Variants in PTPRQ observed in about 807,000 individuals in gnomAD.
The protein encoded by PTPRQ is phosphatidylinositol phosphatase PTPRQ.
Under a neutral mutation model 246.0 loss-of-function variants are expected in PTPRQ, and 199 were observed. That is an observed-to-expected ratio of 0.81 (90% confidence interval 0.72 to 0.91). The LOEUF (loss-of-function observed/expected upper bound fraction) is 0.91. PTPRQ is among the 40% of genes least tolerant of loss of function. The pLI is 0.00. For synonymous variants in PTPRQ, 869 were observed against 853.2 expected (o/e 1.02, Z -0.32); for missense variants, 2,624 against 2,528.4 (o/e 1.04, Z -0.81).
In PTPRQ at chr12:80,649,641, A is replaced by G. The variant is rs562414219; in HGVS notation, c.5996A>G (p.Asn1999Ser). The change falls in exon 37 of 45, where the codon AAC becomes AGC. Residue 1999 changes from asparagine (N) to serine (S), a missense_variant. By Grantham distance (46) the Asn-to-Ser change is conservative (BLOSUM62 1). Coordinates refer to ENST00000644991, the MANE Select transcript of PTPRQ (RefSeq NM_001145026.2). ...CATGTTGAAGAGCTTTGCACAAACA[A>G]CAACCTAAAGTTTCAAGAAGAATTT... ...LQHVEELCTN[N>S]NLKFQEEFSE... 3.2e-6 allele frequency: 5 copies of G among 1,549,556 alleles called. No individual in the cohort carries two copies. In the South Asian group the frequency reaches 6.0e-5, roughly 19 times the overall value.
At position 80,539,827 on chromosome 12, in the gene PTPRQ, A is replaced by G; in HGVS notation, c.3037A>G (p.Thr1013Ala). 1 of 1,548,330 alleles carries G rather than the reference A, an allele frequency of 6.5e-7. No homozygotes were observed. Among genetic ancestry groups the G allele is most frequent in the Non-Finnish European group, 8.7e-7 (1 of 1,145,708 alleles). Reference sequence around the variant, plus strand: ...TGACTTTGACAATATGACTGTATCCACAATTATAGATAAACTGACAATATT... The same window carrying G: ...TGACTTTGACAATATGACTGTATCCGCAATTATAGATAAACTGACAATATT... Reference protein sequence around the residue: ...TNDFDNMTVSTIIDKLTIFSY... With the variant: ...TNDFDNMTVSAIIDKLTIFSY... Residue 1013 changes from threonine (T) to alanine (A), a missense_variant, in exon 20 of 45, where the codon ACA (threonine) becomes GCA (alanine). By Grantham distance (58) the Thr-to-Ala change is moderately conservative. Coordinates refer to ENST00000644991, the MANE Select transcript of PTPRQ (RefSeq NM_001145026.2).
chr12:80,448,363 C>A (rs1215434322), intron 3 of PTPRQ, among the ~76,000 whole-genome samples: 1 of 151,866 alleles, frequency 6.6e-6, no homozygotes, highest in African/African-American at 2.4e-5. Flanking sequence ...TCCTGTTTTC[C>A]AATTTGGATG....
At position 80,539,809 on chromosome 12, in the gene PTPRQ, G is replaced by GAC; in HGVS notation, c.3021_3022dup (p.Asn1008ThrfsTer3). The GAC allele has an allele frequency of 6.5e-7, 1 of 1,546,796 alleles. No individual in the cohort carries two copies. The highest frequency in any genetic ancestry group is 8.7e-7 in the Non-Finnish European group (1 of 1,145,294). On this transcript the variant is annotated frameshift_variant, in exon 20 of 45. Coordinates refer to ENST00000644991, the MANE Select transcript of PTPRQ (RefSeq NM_001145026.2). LOFTEE classifies it high-confidence loss of function. Reference sequence around the variant, plus strand: ...ACTCCATGAAGTAACCAATGACTTTGACAATATGACTGTATCCACAATTAT... The same window carrying GAC: ...ACTCCATGAAGTAACCAATGACTTTGACACAATATGACTGTATCCACAATTAT...
At chr12:80,544,007 A>G (rs1422965760) in intron 23 of PTPRQ, among the ~76,000 whole-genome samples, 1 of 152,112 alleles carries the variant, frequency 6.6e-6, no homozygotes, top group Non-Finnish European at 1.5e-5. Flanking sequence ...CATTCCTAGG[A>G]TAATTGTGTA....
rs1555185233 is a variant in PTPRQ at position 80,473,045 on chromosome 12, A to ACACG, written c.1186+795_1186+796insACGC. On this transcript the variant is annotated intron_variant, in intron 8 of 44. Transcript: ENST00000644991. ...TATACACACACACACACTCACACAC[A>ACACG]CGCACACACACACACACACACACAC... Among the ~76,000 whole-genome samples the ACACG allele has an allele frequency of 3.7e-3, 344 of 92,384 alleles. 1 individual carries two copies. The highest frequency in any genetic ancestry group is 8.0e-3 in the African/African-American group (262 of 32,774). 60.6% of individuals were successfully genotyped at this position (92,384 alleles called of 152,430 possible).
chr12:80,585,880 C>T (rs1592686699), intron 25 of PTPRQ, among the ~76,000 whole-genome samples: 3 of 109,956 alleles, frequency 2.7e-5, no homozygotes, highest in African/African-American at 1.0e-4. Flanking sequence ...CTATCCCTCC[C>T]CCCTCCCCCC....
At chr12:80,584,865 C>T (rs1897559827) in intron 25 of PTPRQ, among the ~76,000 whole-genome samples, 2 of 152,018 alleles carry the variant, frequency 1.3e-5, no homozygotes, top group South Asian at 4.1e-4. Context: ...TCTAAAACTT[C>T]TTCCTCTATA....
chr12:80,536,074 T>C (rs563033139), intron 19 of PTPRQ, among the ~76,000 whole-genome samples: 1 of 152,292 alleles, frequency 6.6e-6, no homozygotes, highest in South Asian at 2.1e-4. Context: ...GCCACTGCAC[T>C]CCAGCCTGGG....
At chr12:80,534,348 A>G (rs1895927432) in intron 18 of PTPRQ, among the ~76,000 whole-genome samples, 173 bp downstream of exon 18, 1 of 152,060 alleles carries the variant, frequency 6.6e-6, no homozygotes, top group African/African-American at 2.4e-5. Flanking sequence ...GGGAAAATTA[A>G]TCTCTGTGTG....
intron 2 of PTPRQ, 28 bp from the exon 3 acceptor site, chr12:80,445,463 T>G: frequency 7.3e-7 from 1 of 1,370,094 alleles, no homozygotes; most frequent in East Asian, 2.5e-5. Flanking sequence ...TATTTGACCT[T>G]TTAACAAAAT....
intron 13 of PTPRQ, 41 bp from the exon 14 acceptor site, chr12:80,496,209 A>G (rs769923675): frequency 9.7e-6 from 15 of 1,542,014 alleles, no homozygotes; most frequent in Middle Eastern, 1.7e-4. Context: ...ACAAACATCA[A>G]TAAAAATATA....
chr12:80,523,885 T>C (rs1233571438), intron 17 of PTPRQ, among the ~76,000 whole-genome samples: 2 of 152,196 alleles, frequency 1.3e-5, no homozygotes, highest in Non-Finnish European at 1.5e-5. Context: ...TTAGGTCTGC[T>C]TGGTGCAGAG....
At chr12:80,539,199 C>G (rs1428853527) in intron 19 of PTPRQ, among the ~76,000 whole-genome samples, 1 of 152,022 alleles carries the variant, frequency 6.6e-6, no homozygotes, top group African/African-American at 2.4e-5. Flanking sequence ...AAAACTTTCT[C>G]TTACTCTACA....
intron 14 of PTPRQ, among the ~76,000 whole-genome samples, chr12:80,503,311 C>T (rs1454152579): frequency 6.6e-6 from 1 of 151,782 alleles, no homozygotes; most frequent in Non-Finnish European, 1.5e-5. Flanking sequence ...GAAGATTTAG[C>T]ACATTTCAGA....
chr12:80,535,067 A>G (rs914817524), intron 19 of PTPRQ, 30 bp downstream of exon 19: 143 of 1,472,126 alleles, frequency 9.7e-5, no homozygotes, highest in Non-Finnish European at 1.2e-4. Context: ...CTAGTTCTTT[A>G]TTAACATCCT....
Position 80,588,243 on chromosome 12 carries a change from C to T in PTPRQ, c.4400C>T (p.Thr1467Ile). 1 of 1,551,584 alleles carries T rather than the reference C, an allele frequency of 6.4e-7. No homozygotes were observed. Among genetic ancestry groups the T allele is most frequent in the Non-Finnish European group, 8.7e-7 (1 of 1,146,946 alleles). The part of the protein sequence containing the change: ...LGYFQNYKIT[T>I]QLRAQKCKEW... ...TACTTTCAAAATTACAAAATTACCA[C>T]TCAACTTCGTGCTCAAAAATGCAAA... Residue 1467 changes from threonine to isoleucine, a missense_variant, in exon 26 of 45, where the codon ACT (threonine) becomes ATT (isoleucine). Physicochemically the swap from Thr to Ile is moderately conservative, Grantham distance 89 (BLOSUM62 -1). Transcript: ENST00000644991.
intron 6 of PTPRQ, chr12:80,461,978 C>CAGG (rs1893192930): frequency 1.5e-6 from 1 of 646,430 alleles, no homozygotes; most frequent in African/African-American, 2.2e-5. Flanking sequence ...CTAAGGTACC[C>CAGG]GTTCGTCTCA....
intron 17 of PTPRQ, among the ~76,000 whole-genome samples, chr12:80,531,100 A>G (rs1248532400): frequency 6.6e-6 from 1 of 152,036 alleles, no homozygotes; most frequent in African/African-American, 2.4e-5. Flanking sequence ...AAGTACTATT[A>G]TGAAAAGATA....
intron 26 of PTPRQ, among the ~76,000 whole-genome samples, chr12:80,592,176 A>T (rs1442196328): frequency 6.6e-6 from 1 of 152,198 alleles, no homozygotes. Context: ...GAGAAAGATG[A>T]AAAGATTTAT....
Sources: gnomAD v4.1 joint callset for allele counts (sites outside exome capture counted in the v4.1 genomes callset) on GRCh38, gnomAD v4.1.1 for gene constraint, MANE v1.5 for transcripts, NCBI Gene and HGNC (gene_info 2026-07-23, HGNC 2026-07-21) for gene names.